Variants in EYA2 observed in about 807,000 individuals in gnomAD.
The protein encoded by EYA2 is protein phosphatase EYA2.
In EYA2, 31 loss-of-function variants were observed where a neutral mutation model predicts 69.2. The observed-to-expected ratio is 0.45, with a 90% CI of 0.34 to 0.60. EYA2 has a LOEUF of 0.60. Among genes scored for constraint, EYA2 ranks in the 20% least tolerant of loss-of-function variants. EYA2 has a pLI of 0.02. For synonymous variants in EYA2, 257 were observed against 279.4 expected (o/e 0.92, Z 0.80); for missense variants, 622 against 701.2 (o/e 0.89, Z 1.28).
intron 1 of EYA2, chr20:46,978,614 C>G: frequency 1.9e-6 from 1 of 534,776 alleles, no homozygotes; most frequent in Non-Finnish European, 3.8e-6. Context: ...GGAAAGCCGT[C>G]AGAGGTTATA....
chr20:47,185,147 T>G (rs1335015967), intron 15 of EYA2, among the ~76,000 whole-genome samples: 1 of 152,112 alleles, frequency 6.6e-6, no homozygotes, highest in East Asian at 1.9e-4. Flanking sequence ...AGTGGGTGAT[T>G]TGTCTCCACC....
intron 1 of EYA2, among the ~76,000 whole-genome samples, chr20:46,986,417 CTATATA>C (rs375276401): frequency 1.4e-5 from 2 of 139,282 alleles, no homozygotes; most frequent in African/African-American, 5.4e-5. Context: ...TATATAATAT[CTATATA>C]TATAATATAT....
chr20:47,181,733 A>G (rs1159636401), intron 14 of EYA2, among the ~76,000 whole-genome samples: 1 of 152,132 alleles, frequency 6.6e-6, no homozygotes, highest in Non-Finnish European at 1.5e-5. Flanking sequence ...AAAAAAATAA[A>G]TAATTTATAG....
chr20:46,933,796 T>C (rs1402381658), intron 1 of EYA2, among the ~76,000 whole-genome samples: 1 of 152,220 alleles, frequency 6.6e-6, no homozygotes, highest in East Asian at 1.9e-4. Flanking sequence ...TATGGGGCTT[T>C]TGCAGAAATA....
intron 10 of EYA2, among the ~76,000 whole-genome samples, chr20:47,153,723 G>A (rs1162140367): frequency 6.6e-6 from 1 of 151,868 alleles, no homozygotes; most frequent in Non-Finnish European, 1.5e-5. Flanking sequence ...GTGAAGGTGC[G>A]ACATGAAGGA....
intron 2 of EYA2, among the ~76,000 whole-genome samples, chr20:46,996,099 A>G (rs1982000508): frequency 6.6e-6 from 1 of 152,252 alleles, no homozygotes; most frequent in Non-Finnish European, 1.5e-5. Flanking sequence ...GGCCTACGGT[A>G]GGTGCATGAT....
At chr20:46,942,163 G>A (rs1020651631) in intron 1 of EYA2, among the ~76,000 whole-genome samples, 1 of 152,008 alleles carries the variant, frequency 6.6e-6, no homozygotes, top group Non-Finnish European at 1.5e-5. Flanking sequence ...GGAGTGGGTG[G>A]TGGACAACCT....
intron 5 of EYA2, among the ~76,000 whole-genome samples, chr20:47,044,340 C>T (rs1204338778): frequency 6.6e-6 from 1 of 152,190 alleles, no homozygotes; most frequent in African/African-American, 2.4e-5. Context: ...TTGGGTGACA[C>T]CCACTGTGTG....
intron 5 of EYA2, among the ~76,000 whole-genome samples, chr20:47,068,219 C>T (rs114141871): frequency 0.012 from 1,862 of 152,258 alleles, 30 homozygotes; most frequent in African/African-American, 0.042. Context: ...TAATACAGTG[C>T]TTGGTGCATA....
At chr20:46,939,554 G>A (rs1027913145) in intron 1 of EYA2, among the ~76,000 whole-genome samples, 1 of 152,034 alleles carries the variant, frequency 6.6e-6, no homozygotes, top group African/African-American at 2.4e-5. Context: ...GCCAATTTGA[G>A]CTAAAGTTCT....
chr20:47,138,276 T>C (rs2033522206), intron 9 of EYA2, among the ~76,000 whole-genome samples: 2 of 152,142 alleles, frequency 1.3e-5, no homozygotes, highest in African/African-American at 4.8e-5. Context: ...TTTTATCGTG[T>C]TTTTTGAACA....
At position 47,180,872 on chromosome 20, in the gene EYA2, A is replaced by G. The variant is rs776538331; in HGVS notation, c.1371A>G (p.Lys457=). The stretch of plus-strand genomic sequence containing the variant: ...CTCAACTAATTCCTGCCCTGGCCAA[A>G]GTCCTGCTATATGGCCTGGGGTCTG... ...TTTQLIPALA[K]VLLYGLGSVF... Residue 457 remains lysine (K), a synonymous_variant, in exon 14 of 16, where the codon AAA becomes AAG. Coordinates refer to ENST00000327619, the MANE Select transcript of EYA2 (RefSeq NM_005244.5). 3.7e-6 allele frequency: 6 copies of G among 1,614,216 alleles called. No individual in the cohort carries two copies. Among genetic ancestry groups the G allele is most frequent in the Non-Finnish European group, 5.1e-6 (6 of 1,180,034 alleles).
chr20:47,030,367 G>A (rs1184747163), intron 5 of EYA2, among the ~76,000 whole-genome samples: 2 of 152,268 alleles, frequency 1.3e-5, no homozygotes, highest in Non-Finnish European at 2.9e-5. Flanking sequence ...GGTTTACACA[G>A]TGGCAGGTTC....
chr20:47,033,864 T>C (rs6066173), intron 5 of EYA2, among the ~76,000 whole-genome samples: 100,050 of 152,130 alleles, frequency 0.66, 35,549 homozygotes, highest in Non-Finnish European at 0.8. Context: ...CAGTGGGATA[T>C]TGGGGATGTT....
At chr20:47,119,868 A>G (rs2032999424) in intron 9 of EYA2, among the ~76,000 whole-genome samples, 1 of 151,898 alleles carries the variant, frequency 6.6e-6, no homozygotes, top group Admixed American at 6.6e-5. Flanking sequence ...GGAGTTTGAG[A>G]CCAGCCTGGG....
intron 9 of EYA2, among the ~76,000 whole-genome samples, chr20:47,118,084 T>C (rs556308040): frequency 6.6e-6 from 1 of 152,242 alleles, no homozygotes; most frequent in Non-Finnish European, 1.5e-5. Flanking sequence ...TCCTTGGAAC[T>C]CTATAAAATA....
At chr20:47,105,482 G>A (rs1201130214) in intron 9 of EYA2, among the ~76,000 whole-genome samples, 1 of 152,042 alleles carries the variant, frequency 6.6e-6, no homozygotes, top group Non-Finnish European at 1.5e-5. Context: ...AAAATTAGCT[G>A]GGCATGATGG....
chr20:47,131,859 A>G (rs911648447), intron 9 of EYA2, among the ~76,000 whole-genome samples: 2 of 152,230 alleles, frequency 1.3e-5, no homozygotes, highest in Non-Finnish European at 2.9e-5. Context: ...ACGGGAAACT[A>G]TATTACATGT....
At chr20:47,096,293 GTA>G (rs939157850) in intron 8 of EYA2, among the ~76,000 whole-genome samples, 1 of 152,150 alleles carries the variant, frequency 6.6e-6, no homozygotes, top group African/African-American at 2.4e-5. Flanking sequence ...AAATGTAAAT[GTA>G]TATTACTAGT....
Sources: gnomAD v4.1 joint callset for allele counts (sites outside exome capture counted in the v4.1 genomes callset) on GRCh38, gnomAD v4.1.1 for gene constraint, MANE v1.5 for transcripts, NCBI Gene and HGNC (gene_info 2026-07-23, HGNC 2026-07-21) for gene names.